CFAP299: variants seen among roughly 807,000 people sequenced by gnomAD.
CFAP299 encodes the protein cilia and flagella associated protein 299, also known as cilia- and flagella-associated protein 299.
Under a neutral mutation model 27.0 loss-of-function variants are expected in CFAP299, and 21 were observed. The observed-to-expected ratio is 0.78, with a 90% CI of 0.55 to 1.12. CFAP299 has a LOEUF of 1.12. Ranked by LOEUF, CFAP299 falls within the 50% of genes most tolerant of loss-of-function variation. The pLI, the probability that CFAP299 is intolerant of heterozygous loss-of-function variation, is 0.00. For missense variants in CFAP299, 310 were observed against 276.6 expected (o/e 1.12, Z -0.86); for synonymous variants, 104 against 98.1 (o/e 1.06, Z -0.36).
rs954475111 is a variant in CFAP299, at chr4:80,390,681, A to C, written c.242+27797A>C. Among the ~76,000 whole-genome samples the C allele has an allele frequency of 3.4e-4, 49 of 145,822 alleles. 2 individuals carry two copies. The highest frequency in any genetic ancestry group is 1.2e-3 in the African/African-American group (47 of 39,840). On this transcript the variant is annotated intron_variant, in intron 2 of 5. Transcript: ENST00000358105. ...CATATGTATATATGTATACATGTAT[A>C]CACACATATATGTGTATATATGTAT...
chr4:80,812,285 T>C (rs1729193924), intron 3 of CFAP299, among the ~76,000 whole-genome samples: 1 of 152,050 alleles, frequency 6.6e-6, no homozygotes. Context: ...AGTCCCTGCC[T>C]CCCATGAGAC....
intron 2 of CFAP299, among the ~76,000 whole-genome samples, chr4:80,546,451 C>CAA (rs1243326668): frequency 6.6e-6 from 1 of 152,090 alleles, no homozygotes; most frequent in African/African-American, 2.4e-5. Flanking sequence ...AGCAGAATTA[C>CAA]AAAACACTGT....
chr4:80,685,319 G>T (rs1020639033), intron 3 of CFAP299, among the ~76,000 whole-genome samples: 6 of 152,140 alleles, frequency 3.9e-5, no homozygotes, highest in Admixed American at 6.5e-5. Context: ...GAAAAATCCA[G>T]GGCTTCAACA....
intron 3 of CFAP299, among the ~76,000 whole-genome samples, chr4:80,612,676 A>G (rs956159044): frequency 2.6e-5 from 4 of 152,166 alleles, no homozygotes; most frequent in South Asian, 2.1e-4. Context: ...AACTATTTCA[A>G]TAATACTCAC....
chr4:80,830,166 T>G (rs954333887), intron 3 of CFAP299, among the ~76,000 whole-genome samples: 22 of 152,066 alleles, frequency 1.4e-4, no homozygotes, highest in African/African-American at 5.1e-4. Context: ...TTTCATAGAT[T>G]GTCACAAAAC....
intron 3 of CFAP299, among the ~76,000 whole-genome samples, chr4:80,796,445 G>A (rs1285134694): frequency 6.6e-6 from 1 of 152,114 alleles, no homozygotes; most frequent in Non-Finnish European, 1.5e-5. Context: ...AAGTGATCAC[G>A]CTCTCTCTGA....
Position 80,935,347 on chromosome 4 carries a change from A to G in CFAP299, c.477-9463A>G, listed in dbSNP as rs564386369. On this transcript the variant is annotated intron_variant, in intron 4 of 5. Coordinates refer to ENST00000358105, the MANE Select transcript of CFAP299 (RefSeq NM_152770.3). ...GCTACAGTAACCAAAACTACATGCT[A>G]CTGGTACAAAAACAGACACATAGAC... Among the ~76,000 whole-genome samples the G allele has an allele frequency of 3.1e-4, 47 of 152,272 alleles. 1 individual carries two copies. In the South Asian group the frequency reaches 9.7e-3, roughly 32 times the overall value.
At chr4:80,685,065 C>T (rs981189943) in intron 3 of CFAP299, among the ~76,000 whole-genome samples, 1 of 152,018 alleles carries the variant, frequency 6.6e-6, no homozygotes, top group African/African-American at 2.4e-5. Context: ...CTGGATGCTG[C>T]TTTATCAAGA....
intron 4 of CFAP299, among the ~76,000 whole-genome samples, chr4:80,906,601 G>T (rs1391748425): frequency 6.6e-6 from 1 of 152,154 alleles, no homozygotes; most frequent in Non-Finnish European, 1.5e-5. Context: ...CTAAAATCTA[G>T]GTGGACATTC....
intron 3 of CFAP299, among the ~76,000 whole-genome samples, chr4:80,627,246 C>T (rs1415759116): frequency 2.0e-5 from 3 of 151,834 alleles, no homozygotes; most frequent in Admixed American, 2.0e-4. Context: ...GGACAATAAG[C>T]ATATAATCAT....
At chr4:80,575,930 G>T (rs867366613) in intron 2 of CFAP299, among the ~76,000 whole-genome samples, 1 of 151,686 alleles carries the variant, frequency 6.6e-6, no homozygotes, top group Non-Finnish European at 1.5e-5. Context: ...GCAAACTATC[G>T]CAAGGACAAA....
At chr4:80,388,553 C>A (rs1379170273) in intron 2 of CFAP299, 1 of 1,433,658 alleles carries the variant, frequency 7.0e-7, no homozygotes, top group Non-Finnish European at 9.8e-7. Context: ...ACACTTCCCA[C>A]AGAGAAAGAC....
chr4:80,693,074 A>G lies in CFAP299; in HGVS notation c.333+109891A>G, dbSNP rs1720838687. On this transcript the variant is annotated intron_variant, in intron 3 of 5. Coordinates refer to ENST00000358105, the MANE Select transcript of CFAP299 (RefSeq NM_152770.3). ...AGGTGCTGGACAGGATGTGGAAAAT[A>G]GGAACACTTTTACACTGTTGGTGGG... 3.9e-5 allele frequency among the ~76,000 whole-genome samples: 6 copies of G among 152,276 alleles called. No homozygotes were observed. In the South Asian group the frequency reaches 1.2e-3, roughly 31 times the overall value.
chr4:80,586,741 AT>A (rs1393942831), intron 3 of CFAP299, among the ~76,000 whole-genome samples: 1 of 152,174 alleles, frequency 6.6e-6, no homozygotes, highest in African/African-American at 2.4e-5. Flanking sequence ...GTGAAAAAAA[AT>A]AAAACATTTC....
At chr4:80,541,165 T>C (rs930271734) in intron 2 of CFAP299, among the ~76,000 whole-genome samples, 1 of 152,190 alleles carries the variant, frequency 6.6e-6, no homozygotes, top group African/African-American at 2.4e-5. Flanking sequence ...GTGTTTCATA[T>C]GACAGTGAAG....
chr4:80,449,086 G>A (rs1397504215), intron 2 of CFAP299, among the ~76,000 whole-genome samples: 1 of 152,002 alleles, frequency 6.6e-6, no homozygotes, highest in Admixed American at 6.5e-5. Context: ...TTTTGCGGAT[G>A]GTCTTGTATC....
intron 3 of CFAP299, among the ~76,000 whole-genome samples, chr4:80,650,138 T>G (rs2109968476): frequency 6.6e-6 from 1 of 152,166 alleles, no homozygotes; most frequent in Middle Eastern, 3.4e-3. Flanking sequence ...CTAAAATATG[T>G]TAGGAAAGTT....
intron 3 of CFAP299, among the ~76,000 whole-genome samples, chr4:80,834,286 C>A (rs761486893): frequency 1.2e-4 from 19 of 152,122 alleles, no homozygotes; most frequent in Non-Finnish European, 2.5e-4. Context: ...CTTTAGGAAG[C>A]AGTGACATGG....
At chr4:80,472,306 G>A (rs1315684088) in intron 2 of CFAP299, among the ~76,000 whole-genome samples, 1 of 152,106 alleles carries the variant, frequency 6.6e-6, no homozygotes, top group Non-Finnish European at 1.5e-5. Flanking sequence ...TTAGGTTTCA[G>A]GTACATATAT....
Sources: allele counts gnomAD v4.1 joint callset (sites outside exome capture counted in the v4.1 genomes callset), GRCh38; gene constraint gnomAD v4.1.1; transcripts MANE v1.5; gene names NCBI Gene and HGNC (gene_info 2026-07-23, HGNC 2026-07-21).